NMNAT2: variants seen among roughly 807,000 people sequenced by gnomAD.
NMNAT2 encodes nicotinamide nucleotide adenylyltransferase 2, also known as nicotinamide/nicotinic acid mononucleotide adenylyltransferase 2.
Under a neutral mutation model 41.6 loss-of-function variants are expected in NMNAT2, and 11 were observed. The observed-to-expected ratio is 0.26, with a 90% CI of 0.17 to 0.44. The LOEUF is 0.44. Among genes scored for constraint, NMNAT2 ranks in the 20% least tolerant of loss-of-function variants. The probability of loss-of-function intolerance (pLI) is 1.00; values close to 1 mark genes in which losing one functional copy is unlikely to be tolerated. For synonymous variants in NMNAT2, 148 were observed against 151.2 expected, an observed-to-expected ratio of 0.98 and a Z score of 0.16; for missense variants, 288 against 407.7, an observed-to-expected ratio of 0.71 and a Z score of 2.53.
intron 1 of NMNAT2, among the ~76,000 whole-genome samples, chr1:183,407,473 C>T (rs941610517): frequency 6.6e-6 from 1 of 151,776 alleles, no homozygotes; most frequent in Admixed American, 6.6e-5. Context: ...ATCTATTTTG[C>T]CTAGATGTTG....
chr1:183,342,359 T>C (rs1662838518), intron 1 of NMNAT2, among the ~76,000 whole-genome samples: 1 of 152,094 alleles, frequency 6.6e-6, no homozygotes, highest in South Asian at 2.1e-4. Flanking sequence ...AACAAATTAA[T>C]AAACAATAAA....
chr1:183,402,303 G>T (rs1175631560), intron 1 of NMNAT2, among the ~76,000 whole-genome samples: 1 of 152,138 alleles, frequency 6.6e-6, no homozygotes, highest in Non-Finnish European at 1.5e-5. Flanking sequence ...TGGTGCCAAA[G>T]ACCCTATGAC....
intron 6 of NMNAT2, among the ~76,000 whole-genome samples, 172 bp from the exon 7 acceptor site, chr1:183,284,211 G>A (rs985237744): frequency 3.3e-5 from 5 of 152,164 alleles, no homozygotes; most frequent in African/African-American, 7.2e-5. Context: ...GGCATAAAAC[G>A]GACAGGAAGC....
chr1:183,413,168 G>C (rs1649163601), intron 1 of NMNAT2, among the ~76,000 whole-genome samples: 1 of 152,230 alleles, frequency 6.6e-6, no homozygotes, highest in Non-Finnish European at 1.5e-5. Flanking sequence ...GGAAGATGAT[G>C]ATACTAGTAG....
intron 7 of NMNAT2, among the ~76,000 whole-genome samples, chr1:183,282,434 G>A (rs1661295060): frequency 6.6e-6 from 1 of 152,240 alleles, no homozygotes; most frequent in Non-Finnish European, 1.5e-5. Context: ...TCCTCTCCTG[G>A]AGGGGACTCC....
intron 1 of NMNAT2, among the ~76,000 whole-genome samples, chr1:183,330,643 C>T (rs1012800466): frequency 6.6e-6 from 1 of 152,236 alleles, no homozygotes; most frequent in Non-Finnish European, 1.5e-5. Flanking sequence ...ATGCACGCCT[C>T]AGAAAGTCTG....
At chr1:183,352,393 T>C (rs888946652) in intron 1 of NMNAT2, among the ~76,000 whole-genome samples, 4 of 151,662 alleles carry the variant, frequency 2.6e-5, no homozygotes, top group African/African-American at 9.7e-5. Context: ...GTGAAACCCA[T>C]CTCTACTAAA....
At chr1:183,370,652 C>T (rs1042786136) in intron 1 of NMNAT2, among the ~76,000 whole-genome samples, 2 of 152,154 alleles carry the variant, frequency 1.3e-5, no homozygotes, top group East Asian at 1.9e-4. Context: ...GAAGAGGCAG[C>T]GTTGAGGAGA....
chr1:183,341,522 GCA>G (rs557155731), intron 1 of NMNAT2, among the ~76,000 whole-genome samples: 713 of 34,278 alleles, frequency 0.021, 6 homozygotes, highest in African/African-American at 0.053. Flanking sequence ...TACAAAAAAT[GCA>G]AAAAAAAAAA....
At chr1:183,409,447 G>C (rs1649054177) in intron 1 of NMNAT2, among the ~76,000 whole-genome samples, 6 of 152,094 alleles carry the variant, frequency 3.9e-5, no homozygotes, top group Admixed American at 3.9e-4. Flanking sequence ...CTCCAGAGTA[G>C]CTGGGACTGC....
chr1:183,386,786 C>T (rs571481742), intron 1 of NMNAT2, among the ~76,000 whole-genome samples: 3 of 151,888 alleles, frequency 2.0e-5, no homozygotes, highest in East Asian at 1.9e-4. Context: ...GCTCATGGAT[C>T]GCTAGTTATA....
At chr1:183,266,736 CATTTAGAAA>C (rs1660826157) in intron 8 of NMNAT2, 1 of 216,428 alleles carries the variant, frequency 4.6e-6, no homozygotes, top group African/African-American at 2.3e-5. Flanking sequence ...GCTGAAGTTG[CATTTAGAAA>C]ATTCAAGCTA....
chr1:183,388,253 G>A (rs1648319232), intron 1 of NMNAT2, among the ~76,000 whole-genome samples: 1 of 152,154 alleles, frequency 6.6e-6, no homozygotes, highest in African/African-American at 2.4e-5. Flanking sequence ...AAGACAGCCT[G>A]GTAAACTGAA....
rs146738710 is a variant in NMNAT2 at position 183,342,927 on chromosome 1, A to T, written c.86-49134T>A. ...TATTATTATTATTATTATTATTATT[A>T]TTTTTGTAGAGATGGGGTCTTGCTT... On this transcript the variant is annotated intron_variant, in intron 1 of 10. Coordinates refer to ENST00000287713, the MANE Select transcript of NMNAT2 (RefSeq NM_015039.4). 9.8e-5 allele frequency among the ~76,000 whole-genome samples: 12 copies of T among 122,510 alleles called. No individual in the cohort carries two copies. In the South Asian group the frequency reaches 3.2e-3, roughly 33 times the overall value. 80.4% of individuals were successfully genotyped at this position (122,510 alleles called of 152,430 possible).
At chr1:183,398,603 T>C (rs1648722187) in intron 1 of NMNAT2, among the ~76,000 whole-genome samples, 1 of 152,162 alleles carries the variant, frequency 6.6e-6, no homozygotes, top group Non-Finnish European at 1.5e-5. Context: ...ATCAACAGAA[T>C]ATACATTCTT....
intron 1 of NMNAT2, among the ~76,000 whole-genome samples, chr1:183,400,358 G>A (rs1648774556): frequency 6.6e-6 from 1 of 152,152 alleles, no homozygotes; most frequent in Admixed American, 6.5e-5. Context: ...ACTTACAAGG[G>A]ACGTGAAGGA....
intron 1 of NMNAT2, among the ~76,000 whole-genome samples, chr1:183,353,620 A>C (rs1301741574): frequency 1.3e-5 from 2 of 152,180 alleles, no homozygotes; most frequent in Non-Finnish European, 2.9e-5. Flanking sequence ...AACTCTGCCA[A>C]ATGCCCAGGA....
chr1:183,407,791 T>C (rs941579205), intron 1 of NMNAT2, among the ~76,000 whole-genome samples: 4 of 152,224 alleles, frequency 2.6e-5, no homozygotes, highest in Admixed American at 2.6e-4. Flanking sequence ...GTGTGCTAAT[T>C]TTCTAATCAT....
chr1:183,316,349 T>C (rs1210014816), intron 1 of NMNAT2, among the ~76,000 whole-genome samples: 1 of 152,214 alleles, frequency 6.6e-6, no homozygotes. Flanking sequence ...AAATGGCTGC[T>C]CTGTGGGGTG....
Sources: gnomAD v4.1 joint callset for allele counts (sites outside exome capture counted in the v4.1 genomes callset) on GRCh38, gnomAD v4.1.1 for gene constraint, MANE v1.5 for transcripts, NCBI Gene and HGNC (gene_info 2026-07-23, HGNC 2026-07-21) for gene names.